SPPL3: variants seen among roughly 807,000 people sequenced by gnomAD.
SPPL3 encodes the protein signal peptide peptidase like 3.
A neutral mutation model predicts 42.4 loss-of-function variants in SPPL3; 5 were observed. The ratio of observed to expected loss-of-function variants is 0.12; its 90% CI spans 0.06 to 0.25. SPPL3 has a LOEUF of 0.25. Ranked by LOEUF, SPPL3 falls within the 10% of genes least tolerant of loss-of-function variation. The probability of loss-of-function intolerance (pLI) is 1.00; values close to 1 mark genes in which losing one functional copy is unlikely to be tolerated. For missense variants in SPPL3, 235 were observed against 489.0 expected (o/e 0.48, Z 4.90); for synonymous variants, 195 against 181.8 (o/e 1.07, Z -0.58).
intron 1 of SPPL3, among the ~76,000 whole-genome samples, chr12:120,842,704 C>T (rs1871872220): frequency 6.6e-6 from 1 of 151,946 alleles, no homozygotes; most frequent in Admixed American, 6.6e-5. Context: ...TATAAGGGCA[C>T]TAATCCCATT....
At chr12:120,795,748 T>C (rs984660944) in intron 2 of SPPL3, among the ~76,000 whole-genome samples, 1 of 152,168 alleles carries the variant, frequency 6.6e-6, no homozygotes, top group East Asian at 1.9e-4. Context: ...CTGCAGATTA[T>C]AGTTATCAAA....
At chr12:120,781,043 C>T (rs1869517078) in intron 6 of SPPL3, among the ~76,000 whole-genome samples, 5 of 152,144 alleles carry the variant, frequency 3.3e-5, no homozygotes, top group Admixed American at 3.3e-4. Flanking sequence ...TTCTCTGAAC[C>T]TTTGTTTACT....
chr12:120,823,657 C>T (rs1254418235), intron 1 of SPPL3, among the ~76,000 whole-genome samples: 1 of 152,164 alleles, frequency 6.6e-6, no homozygotes, highest in African/African-American at 2.4e-5. Flanking sequence ...ACTGTCTACT[C>T]TCATGCCTTT....
intron 1 of SPPL3, among the ~76,000 whole-genome samples, chr12:120,864,057 A>G (rs1303762556): frequency 6.6e-6 from 1 of 152,164 alleles, no homozygotes; most frequent in Admixed American, 6.6e-5. Context: ...CTGTTACATT[A>G]AAATCCATGT....
intron 1 of SPPL3, among the ~76,000 whole-genome samples, chr12:120,866,784 A>C (rs1872765729): frequency 6.6e-6 from 1 of 152,238 alleles, no homozygotes; most frequent in Non-Finnish European, 1.5e-5. Context: ...CAATAGTATC[A>C]AACATGTCAC....
intron 1 of SPPL3, among the ~76,000 whole-genome samples, chr12:120,888,638 G>A (rs369153230): frequency 1.3e-4 from 20 of 152,246 alleles, no homozygotes; most frequent in African/African-American, 4.3e-4. Flanking sequence ...TGGCTGCCAA[G>A]GGCTGGGGAG....
intron 1 of SPPL3, among the ~76,000 whole-genome samples, chr12:120,895,155 T>A (rs556003492): frequency 6.6e-6 from 1 of 150,806 alleles, no homozygotes; most frequent in African/African-American, 2.4e-5. Flanking sequence ...AGGTCGGGCA[T>A]GGTGGCTCAC....
chr12:120,898,843 C>G (rs537290176), intron 1 of SPPL3, among the ~76,000 whole-genome samples: 1 of 152,286 alleles, frequency 6.6e-6, no homozygotes, highest in South Asian at 2.1e-4. Flanking sequence ...AGAAAATACA[C>G]AAGTTATTAT....
At chr12:120,821,826 G>C (rs1391925891) in intron 1 of SPPL3, among the ~76,000 whole-genome samples, 1 of 152,126 alleles carries the variant, frequency 6.6e-6, no homozygotes, top group African/African-American at 2.4e-5. Flanking sequence ...TAATGGGTTG[G>C]GTTGGGTGGA....
chr12:120,813,730 T>TA (rs1408984449), intron 1 of SPPL3, among the ~76,000 whole-genome samples: 1 of 152,096 alleles, frequency 6.6e-6, no homozygotes, highest in African/African-American at 2.4e-5. Context: ...CTTGGGTTCC[T>TA]AAGGAAGCCA....
chr12:120,766,485 G>A (rs1868912792), intron 9 of SPPL3, 113 bp from the exon 10 acceptor site: 1 of 807,058 alleles, frequency 1.2e-6, no homozygotes, highest in Middle Eastern at 2.4e-4. Flanking sequence ...TCCATTCTAT[G>A]GTTGGGGTGT....
chr12:120,790,849 T>A (rs1029989831), intron 3 of SPPL3, among the ~76,000 whole-genome samples: 5 of 146,108 alleles, frequency 3.4e-5, no homozygotes, highest in Non-Finnish European at 6.0e-5. Flanking sequence ...TGAGACGGAG[T>A]TTCGCTCTTG....
At chr12:120,873,889 A>T (rs1286937390) in intron 1 of SPPL3, among the ~76,000 whole-genome samples, 1 of 152,050 alleles carries the variant, frequency 6.6e-6, no homozygotes, top group Non-Finnish European at 1.5e-5. Flanking sequence ...TTAATTAATT[A>T]ATTAATTAAA....
chr12:120,766,720 A>G (rs527769553), intron 9 of SPPL3, among the ~76,000 whole-genome samples: 1 of 152,302 alleles, frequency 6.6e-6, no homozygotes, highest in South Asian at 2.1e-4. Flanking sequence ...AATAGCTAAC[A>G]TAAATGTAGT....
intron 1 of SPPL3, among the ~76,000 whole-genome samples, chr12:120,873,678 G>A (rs1872995202): frequency 1.3e-5 from 2 of 152,060 alleles, no homozygotes; most frequent in Non-Finnish European, 2.9e-5. Context: ...TTCCAGACCA[G>A]CCTGACCAAC....
chr12:120,849,169 C>A (rs1345874664), intron 1 of SPPL3, among the ~76,000 whole-genome samples: 1 of 139,370 alleles, frequency 7.2e-6, no homozygotes, highest in Admixed American at 7.1e-5. Context: ...CCCTCTAAAA[C>A]CAGAGGAAGA....
chr12:120,900,012 G>A (rs1873925967), intron 1 of SPPL3, among the ~76,000 whole-genome samples: 1 of 151,906 alleles, frequency 6.6e-6, no homozygotes, highest in African/African-American at 2.4e-5. Flanking sequence ...TAGGAAGAGA[G>A]CAAGCACACG....
rs555775979 is a variant in SPPL3, at chr12:120,764,585, G to A, written c.*414C>T. On this transcript the variant is annotated 3_prime_UTR_variant, in exon 11 of 11. Coordinates refer to ENST00000353487, the MANE Select transcript of SPPL3 (RefSeq NM_139015.5). ...ATAGGAAACTGGTCCCAAAGTTCTC[G>A]AGGGGTCATTGAAGAAACTTCGGTT... is the stretch of plus-strand genomic sequence containing the variant. 1.8e-4 allele frequency: 55 copies of A among 304,200 alleles called. No individual in the cohort carries two copies. Among genetic ancestry groups the A allele is most frequent in the African/African-American group, 1.1e-3 (53 of 46,914 alleles). The allele number at this position is 304,200 out of a possible 1,614,324, so 18.8% of individuals were successfully genotyped here. A position where few individuals can be genotyped will look rare whatever the true frequency, so the allele number is the denominator to read the frequency against.
At chr12:120,793,604 CTACT>C in intron 2 of SPPL3, among the ~76,000 whole-genome samples, 1 of 152,346 alleles carries the variant, frequency 6.6e-6, no homozygotes, top group Middle Eastern at 3.4e-3. Context: ...CCTTCATACA[CTACT>C]AGTGGGAATG....
Sources: gnomAD v4.1 joint callset for allele counts (sites outside exome capture counted in the v4.1 genomes callset) on GRCh38, gnomAD v4.1.1 for gene constraint, MANE v1.5 for transcripts, NCBI Gene and HGNC (gene_info 2026-07-23, HGNC 2026-07-21) for gene names.